ZMYM2: variants seen among roughly 807,000 people sequenced by gnomAD.
ZMYM2 encodes the protein zinc finger MYM-type protein 2.
Under a neutral mutation model 162.8 loss-of-function variants are expected in ZMYM2, and 56 were observed. That is an observed-to-expected ratio of 0.34 (90% CI 0.28 to 0.43). The LOEUF (loss-of-function observed/expected upper bound fraction) is 0.43. ZMYM2 is among the 20% of genes least tolerant of loss of function. ZMYM2 has a pLI of 1.00. For synonymous variants in ZMYM2, 510 were observed against 541.6 expected (o/e 0.94, Z 0.81); for missense variants, 1,275 against 1,621.8 (o/e 0.79, Z 3.67).
intron 2 of ZMYM2, among the ~76,000 whole-genome samples, chr13:19,960,819 A>C (rs1955128038): frequency 6.6e-6 from 1 of 152,250 alleles, no homozygotes; most frequent in South Asian, 2.1e-4. Flanking sequence ...CACTCTGGAC[A>C]CATTATGTCT....
At chr13:19,918,790 C>T in the ZMYM2 span, among the ~76,000 whole-genome samples, 1 of 152,148 alleles carries the variant, frequency 6.6e-6, no homozygotes, top group Non-Finnish European at 1.5e-5. Flanking sequence ...TGAGCCACCA[C>T]ACCTGGCCAA....
At chr13:19,870,515 CTCTT>C in the ZMYM2 span, among the ~76,000 whole-genome samples, 3 of 119,498 alleles carry the variant, frequency 2.5e-5, no homozygotes, top group South Asian at 3.2e-4. Context: ...CCCTCCCTCC[CTCTT>C]TCTCTCTTTC....
intron 12 of ZMYM2, among the ~76,000 whole-genome samples, chr13:20,039,461 A>G (rs746671494): frequency 2.2e-5 from 3 of 138,492 alleles, no homozygotes; most frequent in Non-Finnish European, 4.6e-5. Context: ...TTCAATACCT[A>G]GTTTATTGAG....
chr13:20,037,847 A>G (rs1953872559), intron 12 of ZMYM2, among the ~76,000 whole-genome samples: 1 of 152,198 alleles, frequency 6.6e-6, no homozygotes, highest in African/African-American at 2.4e-5. Context: ...ACCCAAATTT[A>G]CCAAAGTAAA....
At chr13:20,003,434 G>C (rs894066941) in intron 4 of ZMYM2, among the ~76,000 whole-genome samples, 2 of 152,124 alleles carry the variant, frequency 1.3e-5, no homozygotes, top group Non-Finnish European at 2.9e-5. Context: ...CAGTTTATGC[G>C]TGATTCTGTG....
At chr13:19,913,040 C>G in the ZMYM2 span, among the ~76,000 whole-genome samples, 1 of 152,092 alleles carries the variant, frequency 6.6e-6, no homozygotes, top group African/African-American at 2.4e-5. Context: ...GAGCAAGAGA[C>G]GGGTCTGTAA....
At chr13:19,872,156 A>T in the ZMYM2 span, among the ~76,000 whole-genome samples, 29 of 145,584 alleles carry the variant, frequency 2.0e-4, no homozygotes, top group African/African-American at 5.7e-4. Context: ...TTTTTTTTTT[A>T]AATAAAAACG....
chr13:20,004,775 A>G (rs1315062732), intron 4 of ZMYM2, among the ~76,000 whole-genome samples: 2 of 152,346 alleles, frequency 1.3e-5, no homozygotes, highest in South Asian at 2.1e-4. Context: ...CATTAATTCC[A>G]TATAACTAAT....
chr13:19,888,512 C>G, the ZMYM2 span, among the ~76,000 whole-genome samples: 4 of 151,812 alleles, frequency 2.6e-5, no homozygotes, highest in Non-Finnish European at 5.9e-5. Flanking sequence ...ATATAGGAAA[C>G]TGATCTGTTA....
the ZMYM2 span, among the ~76,000 whole-genome samples, chr13:19,919,817 A>G: frequency 6.6e-6 from 1 of 151,840 alleles, no homozygotes; most frequent in Non-Finnish European, 1.5e-5. Flanking sequence ...AGCTGGGATT[A>G]CAGGCATGCA....
chr13:19,873,301 ATGGCCCCTC>A, the ZMYM2 span, among the ~76,000 whole-genome samples: 1 of 152,116 alleles, frequency 6.6e-6, no homozygotes, highest in Non-Finnish European at 1.5e-5. Flanking sequence ...TCAATCTGGA[ATGGCCCCTC>A]GGCCTTTCCC....
upstream of ZMYM2, among the ~76,000 whole-genome samples, chr13:19,958,086 G>A (rs1295339644): frequency 6.6e-6 from 1 of 152,212 alleles, no homozygotes; most frequent in Non-Finnish European, 1.5e-5. Context: ...CGGGAGGTGG[G>A]GGACTATTCC....
At chr13:19,985,708 GA>G (rs796242960) in intron 2 of ZMYM2, among the ~76,000 whole-genome samples, 3,639 of 139,612 alleles carry the variant, frequency 0.026, 67 homozygotes, top group Non-Finnish European at 0.038. Context: ...TCTCAAAAAG[GA>G]AAAAAAAAAA....
Position 20,087,438 on chromosome 13 carries a change from T to C in ZMYM2, c.*1424T>C, listed in dbSNP as rs915017405. ...TTCTAGCATGTGTGTAATCATGTTT[T>C]CTTCTGATTCCTGAATGACCATGGT... On this transcript the variant is annotated 3_prime_UTR_variant, in exon 25 of 25. Coordinates refer to ENST00000610343, the MANE Select transcript of ZMYM2 (RefSeq NM_197968.4). 1 of 189,072 alleles carries C rather than the reference T, an allele frequency of 5.3e-6. No individual in the cohort carries two copies. Among genetic ancestry groups the C allele is most frequent in the Non-Finnish European group, 1.1e-5 (1 of 89,990 alleles). The allele number at this position is 189,072 out of a possible 1,614,324, so 11.7% of individuals were successfully genotyped here.
intron 6 of ZMYM2, among the ~76,000 whole-genome samples, chr13:20,013,750 T>C (rs1951387639): frequency 6.6e-6 from 1 of 152,222 alleles, no homozygotes; most frequent in South Asian, 2.1e-4. Context: ...TTTCTTTATG[T>C]TGAACCACAC....
At position 20,082,033 on chromosome 13, in the gene ZMYM2, T is replaced by C; in HGVS notation, c.3471T>C (p.Asn1157=). The C allele has an allele frequency of 6.3e-7, 1 of 1,589,330 alleles. No homozygotes were observed. The highest frequency in any genetic ancestry group is 8.5e-7 in the Non-Finnish European group (1 of 1,170,762). Residue 1157 remains asparagine (N), a synonymous_variant, in exon 22 of 25, where the codon AAT becomes AAC. Coordinates refer to ENST00000610343, the MANE Select transcript of ZMYM2 (RefSeq NM_197968.4). ...TTTTATAGTATTTGTGTGGAAGTAATCGAAAAGACAACATATTTATTGATC... is the reference window on the plus strand; with the variant it reads ...TTTTATAGTATTTGTGTGGAAGTAACCGAAAAGACAACATATTTATTGATC... ...LGIQEYLCGS[N]RKDNIFIDPG... is the part of the protein sequence containing the mutation.
At chr13:19,899,923 C>T in the ZMYM2 span, among the ~76,000 whole-genome samples, 2 of 149,382 alleles carry the variant, frequency 1.3e-5, no homozygotes, top group African/African-American at 5.0e-5. Flanking sequence ...AGTACATTGA[C>T]TCTGAAAAAA....
chr13:19,882,779 C>T, the ZMYM2 span, among the ~76,000 whole-genome samples: 2 of 148,212 alleles, frequency 1.3e-5, no homozygotes, highest in Non-Finnish European at 3.0e-5. Flanking sequence ...ACCACAATGA[C>T]GTGCGCCACT....
At chr13:20,007,318 G>A (rs1352084563) in intron 6 of ZMYM2, among the ~76,000 whole-genome samples, 1 of 151,890 alleles carries the variant, frequency 6.6e-6, no homozygotes, top group Non-Finnish European at 1.5e-5. Flanking sequence ...TGTATTTTTA[G>A]TAGAAACGGG....
Sources: gnomAD v4.1 joint callset for allele counts (sites outside exome capture counted in the v4.1 genomes callset) on GRCh38, gnomAD v4.1.1 for gene constraint, MANE v1.5 for transcripts, NCBI Gene and HGNC (gene_info 2026-07-23, HGNC 2026-07-21) for gene names.